The following ARMC2 variants were observed in gnomAD, a reference collection of about 807,000 sequenced individuals.
ARMC2 encodes the protein armadillo repeat containing 2, also known as armadillo repeat-containing protein 2.
In ARMC2, 67 loss-of-function variants were observed where a neutral mutation model predicts 90.3. The ratio of observed to expected loss-of-function variants is 0.74; its 90% CI spans 0.61 to 0.91. ARMC2 has a LOEUF of 0.91. Among genes scored for constraint, ARMC2 ranks in the 40% least tolerant of loss-of-function variants. The pLI is 0.00. For synonymous variants in ARMC2, 393 were observed against 393.0 expected, an observed-to-expected ratio of 1.00 and a Z score of 0.00; for missense variants, 920 against 1,030.9, an observed-to-expected ratio of 0.89 and a Z score of 1.47.
At chr6:108,959,544 G>A (rs1025827430) in intron 13 of ARMC2, 1 of 152,406 alleles carries the variant, frequency 6.6e-6, no homozygotes, top group Non-Finnish European at 1.5e-5. Context: ...AGAAGGACTG[G>A]GGGCTCTCCC....
At chr6:108,851,690 C>G (rs1216792465) in intron 1 of ARMC2, among the ~76,000 whole-genome samples, 3 of 152,076 alleles carry the variant, frequency 2.0e-5, no homozygotes. Context: ...CCTGTAATCC[C>G]AGCACTTCAA....
rs60000198 is a variant in ARMC2, at chr6:108,932,516, C to CTTTTTT, written c.1496+4305_1496+4310dup. 4.1e-3 allele frequency among the ~76,000 whole-genome samples: 318 copies of CTTTTTT among 77,918 alleles called. 36 individuals carry two copies. The highest frequency in any genetic ancestry group is 9.9e-3 in the African/African-American group (169 of 17,034). The allele number at this position is 77,918 out of a possible 152,430, so 51.1% of individuals were successfully genotyped here. On this transcript the variant is annotated intron_variant, in intron 11 of 17. Transcript: ENST00000392644. ...TAAACAGTGAGTCTTTTCTCCATTG[C>CTTTTTT]TTTTTTTTTTTTTTTTTTTTTTTTT...
At chr6:108,956,315 A>G (rs1416371344) in intron 13 of ARMC2, among the ~76,000 whole-genome samples, 1 of 152,208 alleles carries the variant, frequency 6.6e-6, no homozygotes, top group Non-Finnish European at 1.5e-5. Context: ...TAAATATTTT[A>G]TGAGCTTAGA....
At chr6:108,886,907 GTTT>G (rs756169770) in intron 5 of ARMC2, among the ~76,000 whole-genome samples, 4 of 144,760 alleles carry the variant, frequency 2.8e-5, no homozygotes, top group Non-Finnish European at 6.1e-5. Flanking sequence ...TGTTTGTTTT[GTTT>G]TTTTTTTTGA....
At chr6:108,884,149 C>T (rs1038494892) in intron 5 of ARMC2, among the ~76,000 whole-genome samples, 1 of 152,082 alleles carries the variant, frequency 6.6e-6, no homozygotes, top group Non-Finnish European at 1.5e-5. Context: ...CCTTTCTGTC[C>T]GATAAGCGTT....
chr6:109,024,956 T>A, the ARMC2 span, among the ~76,000 whole-genome samples: 1 of 151,968 alleles, frequency 6.6e-6, no homozygotes, highest in African/African-American at 2.4e-5. Flanking sequence ...GTAACAGAAA[T>A]CCTCAGAAAC....
At chr6:108,922,289 C>CA (rs934704563) in intron 10 of ARMC2, among the ~76,000 whole-genome samples, 3 of 151,508 alleles carry the variant, frequency 2.0e-5, no homozygotes, top group African/African-American at 7.3e-5. Flanking sequence ...TTTCTTGAGA[C>CA]AGAGTCTCAC....
chr6:108,894,555 CCA>C lies in ARMC2; in HGVS notation c.748+16_748+17del. ...GCAAACCAAAGCAGGTGAGGGGTCC[CCA>C]CACTCCTTCATCTACAGCATCTCCA... On this transcript the variant is annotated intron_variant, in intron 6 of 17. Coordinates refer to ENST00000392644, the MANE Select transcript of ARMC2 (RefSeq NM_032131.6). The C allele has an allele frequency of 6.3e-7, 1 of 1,588,020 alleles. No individual in the cohort carries two copies. Among genetic ancestry groups the C allele is most frequent in the Non-Finnish European group, 8.5e-7 (1 of 1,169,960 alleles).
rs562310086 is a variant in ARMC2, at chr6:108,929,955, C to G, written c.1496+1722C>G. ...AAATCCCATCTCTAGCGCTGCCCCC[C>G]ACCCCCAACCCCTGCCAAAAAATTA... On this transcript the variant is annotated intron_variant, in intron 11 of 17. Coordinates refer to ENST00000392644, the MANE Select transcript of ARMC2 (RefSeq NM_032131.6). Among the ~76,000 whole-genome samples, 68 of 151,956 alleles carry G rather than the reference C, an allele frequency of 4.5e-4. 1 individual carries two copies. The highest frequency in any genetic ancestry group is 8.5e-4 in the Non-Finnish European group (58 of 67,958).
At chr6:109,008,674 GT>G in the ARMC2 span, 3 of 601,660 alleles carry the variant, frequency 5.0e-6, no homozygotes, top group Non-Finnish European at 6.3e-6. Context: ...TTTACCTAAG[GT>G]TACATTAGTA....
intron 17 of ARMC2, among the ~76,000 whole-genome samples, chr6:108,969,142 G>C (rs564018151): frequency 6.6e-6 from 1 of 152,310 alleles, no homozygotes; most frequent in East Asian, 1.9e-4. Context: ...TGGGCACTTA[G>C]GTTTTGTGAC....
intron 5 of ARMC2, among the ~76,000 whole-genome samples, chr6:108,877,153 G>A (rs1777017700): frequency 6.6e-6 from 1 of 152,150 alleles, no homozygotes; most frequent in Non-Finnish European, 1.5e-5. Context: ...TTTTTTTCTA[G>A]GACTTTCCAT....
At chr6:108,861,224 T>A (rs566632177) in intron 3 of ARMC2, among the ~76,000 whole-genome samples, 4 of 152,212 alleles carry the variant, frequency 2.6e-5, no homozygotes, top group Non-Finnish European at 5.9e-5. Context: ...GAGATTGGTA[T>A]GTTAGTCAAG....
chr6:108,890,147 G>A (rs534472030), intron 5 of ARMC2, among the ~76,000 whole-genome samples: 106 of 125,848 alleles, frequency 8.4e-4, no homozygotes, highest in African/African-American at 3.2e-3. Context: ...CCGAGATCCC[G>A]CCACTGCACT....
chr6:108,919,513 G>A (rs908956252), intron 10 of ARMC2, among the ~76,000 whole-genome samples: 4 of 146,282 alleles, frequency 2.7e-5, no homozygotes, highest in African/African-American at 1.0e-4. Flanking sequence ...AGTTCTTACA[G>A]ATAATTTTTT....
At chr6:108,916,431 C>CA (rs1174462547) in intron 10 of ARMC2, among the ~76,000 whole-genome samples, 1 of 152,210 alleles carries the variant, frequency 6.6e-6, no homozygotes, top group African/African-American at 2.4e-5. Context: ...ACAAGATGCT[C>CA]AGAGAAACTG....
At chr6:109,035,835 T>A in the ARMC2 span, among the ~76,000 whole-genome samples, 1 of 152,154 alleles carries the variant, frequency 6.6e-6, no homozygotes, top group Non-Finnish European at 1.5e-5. Flanking sequence ...CTCAAACTCC[T>A]GGCCTCAAGT....
At chr6:108,899,348 A>G (rs551523176) in intron 6 of ARMC2, among the ~76,000 whole-genome samples, 2 of 152,294 alleles carry the variant, frequency 1.3e-5, no homozygotes, top group African/African-American at 2.4e-5. Context: ...TTATATATCT[A>G]TAGTTACCTA....
chr6:108,927,153 C>T (rs936834430), intron 10 of ARMC2, among the ~76,000 whole-genome samples: 1 of 152,088 alleles, frequency 6.6e-6, no homozygotes, highest in Non-Finnish European at 1.5e-5. Context: ...CACAACCCCC[C>T]GAGAGGTGAG....
Sources: allele counts gnomAD v4.1 joint callset (sites outside exome capture counted in the v4.1 genomes callset), GRCh38; gene constraint gnomAD v4.1.1; transcripts MANE v1.5; gene names NCBI Gene and HGNC (gene_info 2026-07-23, HGNC 2026-07-21).